Variants in DOCK4 observed in about 807,000 individuals in gnomAD.
The protein encoded by DOCK4 is dedicator of cytokinesis protein 4.
In DOCK4, 97 loss-of-function variants were observed where a neutral mutation model predicts 268.1. The observed-to-expected ratio is 0.36, with a 90% CI of 0.31 to 0.43. The LOEUF (loss-of-function observed/expected upper bound fraction) is 0.43. DOCK4 is among the 20% of genes least tolerant of loss of function. The pLI, the probability that DOCK4 is intolerant of heterozygous loss-of-function variation, is 1.00. For missense variants in DOCK4, 2,145 were observed against 2,455.7 expected, an observed-to-expected ratio of 0.87 and a Z score of 2.67; for synonymous variants, 954 against 887.2, an observed-to-expected ratio of 1.08 and a Z score of -1.34.
chr7:111,914,997 C>T (rs775669160), intron 13 of DOCK4, among the ~76,000 whole-genome samples: 45 of 152,196 alleles, frequency 3.0e-4, no homozygotes, highest in Middle Eastern at 3.2e-3. Flanking sequence ...TGCTGACTGA[C>T]TAAATCAATT....
At chr7:111,784,391 T>G (rs1381479893) in intron 32 of DOCK4, 1 of 642,164 alleles carries the variant, frequency 1.6e-6, no homozygotes, top group Non-Finnish European at 2.9e-6. Flanking sequence ...TACCTCTCAG[T>G]GGAATGCATC....
intron 1 of DOCK4, among the ~76,000 whole-genome samples, chr7:112,166,049 C>G (rs1221558670): frequency 1.3e-5 from 2 of 152,150 alleles, no homozygotes; most frequent in East Asian, 3.9e-4. Context: ...TTCTCATCTT[C>G]TTAGAGGAAA....
At chr7:111,729,652 C>A (rs1563416881) in intron 52 of DOCK4, among the ~76,000 whole-genome samples, 1 of 152,152 alleles carries the variant, frequency 6.6e-6, no homozygotes, top group African/African-American at 2.4e-5. Context: ...CTAAAAACGC[C>A]ATAAAACCTT....
chr7:111,888,931 G>C (rs1403240232), intron 16 of DOCK4, among the ~76,000 whole-genome samples: 3 of 152,106 alleles, frequency 2.0e-5, no homozygotes, highest in African/African-American at 7.2e-5. Context: ...CCTGGCTTAG[G>C]AAGAGGGGCT....
chr7:111,833,762 T>TA (rs1347394117), intron 26 of DOCK4, among the ~76,000 whole-genome samples: 10 of 152,136 alleles, frequency 6.6e-5, no homozygotes, highest in African/African-American at 2.4e-4. Context: ...CTATCTATAT[T>TA]AAAAAATCAA....
At chr7:112,196,888 C>G (rs957590972) in intron 1 of DOCK4, among the ~76,000 whole-genome samples, 7 of 152,162 alleles carry the variant, frequency 4.6e-5, no homozygotes, top group African/African-American at 1.7e-4. Context: ...AATTAACTAT[C>G]TAGCACCTCA....
At chr7:111,769,107 A>C (rs1797951376) in intron 37 of DOCK4, among the ~76,000 whole-genome samples, 1 of 152,158 alleles carries the variant, frequency 6.6e-6, no homozygotes, top group Non-Finnish European at 1.5e-5. Flanking sequence ...AGCCTTCAGA[A>C]ATGTGAAAAA....
intron 52 of DOCK4, 98 bp downstream of exon 52, chr7:111,732,128 C>T: frequency 8.2e-7 from 1 of 1,214,130 alleles, no homozygotes; most frequent in Non-Finnish European, 1.2e-6. Context: ...TTGCCTGGTC[C>T]CTGCAAATTA....
At position 111,934,505 on chromosome 7, in the gene DOCK4, A is replaced by G. The variant is rs1017230056; in HGVS notation, c.1066+1035T>C. ...CAAAGCCAGCCATAGGCAGCGAAGC[A>G]TGTTTTGTTTTGTTTTTGTTTTTTT... On this transcript the variant is annotated intron_variant, in intron 12 of 52. Coordinates refer to ENST00000428084, the MANE Select transcript of DOCK4 (RefSeq NM_001363540.2). Among the ~76,000 whole-genome samples, 56 of 134,408 alleles carry G rather than the reference A, an allele frequency of 4.2e-4. 1 individual carries two copies. Among genetic ancestry groups the G allele is most frequent in the Non-Finnish European group, 1.6e-4 (10 of 63,960 alleles). 88.2% of individuals were successfully genotyped at this position (134,408 alleles called of 152,430 possible).
intron 11 of DOCK4, 74 bp from the exon 12 acceptor site, chr7:111,935,702 C>G (rs1794687952): frequency 7.6e-7 from 1 of 1,319,786 alleles, no homozygotes; most frequent in Non-Finnish European, 1.1e-6. Context: ...AGTACATCTG[C>G]CCTTTTCGTT....
chr7:112,177,674 C>T (rs1477767901), intron 1 of DOCK4, among the ~76,000 whole-genome samples: 1 of 152,096 alleles, frequency 6.6e-6, no homozygotes, highest in African/African-American at 2.4e-5. Flanking sequence ...TTTTGCACAA[C>T]TACGAATTTC....
intron 26 of DOCK4, among the ~76,000 whole-genome samples, chr7:111,831,273 C>G (rs1015125063): frequency 6.6e-6 from 1 of 152,056 alleles, no homozygotes; most frequent in Non-Finnish European, 1.5e-5. Flanking sequence ...CTAGGAGTCA[C>G]TTACAACTCC....
At chr7:111,945,689 C>T (rs768290194) in intron 9 of DOCK4, 28 bp downstream of exon 9, 22 of 1,542,454 alleles carry the variant, frequency 1.4e-5, no homozygotes, top group Admixed American at 5.6e-5. Flanking sequence ...GATGAATCTG[C>T]CTTATGAATG....
At chr7:111,808,777 C>A (rs369422457) in intron 30 of DOCK4, 44 bp downstream of exon 30, 7 of 1,589,682 alleles carry the variant, frequency 4.4e-6, no homozygotes, top group African/African-American at 1.3e-5. Flanking sequence ...CAAGGTACAG[C>A]GAGGAGCTGT....
intron 1 of DOCK4, among the ~76,000 whole-genome samples, chr7:112,169,523 A>T (rs1385637941): frequency 2.0e-5 from 3 of 152,188 alleles, no homozygotes; most frequent in African/African-American, 7.2e-5. Context: ...ATTTTCTATG[A>T]GGGTGGGGGA....
At chr7:111,948,872 C>T (rs1203105992) in intron 8 of DOCK4, among the ~76,000 whole-genome samples, 2 of 150,600 alleles carry the variant, frequency 1.3e-5, no homozygotes, top group African/African-American at 4.9e-5. Flanking sequence ...TGAGCCACTG[C>T]GCCCAGCCAG....
chr7:111,925,517 G>C (rs1209039618), intron 12 of DOCK4, among the ~76,000 whole-genome samples: 1 of 152,198 alleles, frequency 6.6e-6, no homozygotes, highest in Non-Finnish European at 1.5e-5. Flanking sequence ...GTGTACAAAT[G>C]AGCCAGGTTA....
At chr7:111,884,201 T>C (rs1807653878) in intron 16 of DOCK4, among the ~76,000 whole-genome samples, 1 of 152,184 alleles carries the variant, frequency 6.6e-6, no homozygotes, top group African/African-American at 2.4e-5. Flanking sequence ...TAATATACCA[T>C]ACAAATACTG....
chr7:111,971,136 T>C (rs1463609549), intron 8 of DOCK4: 1 of 152,582 alleles, frequency 6.6e-6, no homozygotes, highest in Non-Finnish European at 1.5e-5. Context: ...ATCACTAGCA[T>C]AAAGTAAGAA....
Sources: gnomAD v4.1 joint callset for allele counts (sites outside exome capture counted in the v4.1 genomes callset) on GRCh38, gnomAD v4.1.1 for gene constraint, MANE v1.5 for transcripts, NCBI Gene and HGNC (gene_info 2026-07-23, HGNC 2026-07-21) for gene names.